Variants in PPHLN1 observed in about 807,000 individuals in gnomAD.
PPHLN1 encodes the protein periphilin 1, also known as periphilin-1.
A neutral mutation model predicts 51.3 loss-of-function variants in PPHLN1; 29 were observed. The observed-to-expected ratio is 0.57, with a 90% CI of 0.42 to 0.77. The LOEUF is 0.77. Among genes scored for constraint, PPHLN1 ranks in the 30% least tolerant of loss-of-function variants. PPHLN1 has a pLI of 0.00. For missense variants in PPHLN1, 436 were observed against 438.4 expected, an observed-to-expected ratio of 0.99 and a Z score of 0.05; for synonymous variants, 147 against 147.8, an observed-to-expected ratio of 0.99 and a Z score of 0.04.
intron 9 of PPHLN1, among the ~76,000 whole-genome samples, chr12:42,440,533 G>A (rs2082853193): frequency 6.6e-6 from 1 of 152,204 alleles, no homozygotes; most frequent in African/African-American, 2.4e-5. Flanking sequence ...GACCCAGAAT[G>A]TTGTCTAACT....
At chr12:42,360,783 G>A (rs1435336549) in intron 4 of PPHLN1, among the ~76,000 whole-genome samples, 10 of 151,894 alleles carry the variant, frequency 6.6e-5, no homozygotes, top group East Asian at 1.9e-4. Context: ...ATGAGCCACC[G>A]CGCCCAGCCG....
chr12:42,333,774 G>A (rs774395560), intron 1 of PPHLN1, among the ~76,000 whole-genome samples: 2 of 152,152 alleles, frequency 1.3e-5, no homozygotes, highest in African/African-American at 2.4e-5. Flanking sequence ...GAGCCGCTGC[G>A]CCCGGCCAAC....
intron 9 of PPHLN1, among the ~76,000 whole-genome samples, chr12:42,434,291 G>C (rs1355010989): frequency 6.6e-6 from 1 of 152,208 alleles, no homozygotes; most frequent in African/African-American, 2.4e-5. Flanking sequence ...GGAGGCTGGG[G>C]AATGAGGGAG....
At chr12:42,334,454 G>GA (rs903174583) in intron 1 of PPHLN1, among the ~76,000 whole-genome samples, 2 of 151,978 alleles carry the variant, frequency 1.3e-5, no homozygotes, top group Non-Finnish European at 2.9e-5. Flanking sequence ...ATAATATCAA[G>GA]AAAAAAAGTT....
intron 9 of PPHLN1, among the ~76,000 whole-genome samples, chr12:42,434,782 C>A (rs2082336708): frequency 6.6e-6 from 1 of 152,228 alleles, no homozygotes; most frequent in Non-Finnish European, 1.5e-5. Context: ...CAACCTTGGT[C>A]TCCCGGGTTG....
rs771456711 is a variant in PPHLN1, at chr12:42,351,868, C to T, written c.73-17C>T. ...AGAAATTAGTCATTTGTATATATTT[C>T]TTTTTGTCTGTTTTAGGATGGCTAC... is the stretch of plus-strand genomic sequence containing the variant. On this transcript the variant is annotated splice_polypyrimidine_tract_variant and intron_variant, in intron 2 of 9. Transcript: ENST00000358314. The T allele has an allele frequency of 3.9e-5, 60 of 1,534,642 alleles. 1 individual carries two copies. The Admixed American group carries it at 5.1e-4, about 13-fold the overall frequency.
At chr12:42,374,227 A>T (rs1415572613) in intron 4 of PPHLN1, among the ~76,000 whole-genome samples, 1 of 152,174 alleles carries the variant, frequency 6.6e-6, no homozygotes, top group Non-Finnish European at 1.5e-5. Flanking sequence ...TGTATTGTTA[A>T]TGGCAAAGAG....
chr12:42,428,417 A>T (rs2081694747), intron 9 of PPHLN1, among the ~76,000 whole-genome samples: 1 of 152,248 alleles, frequency 6.6e-6, no homozygotes, highest in African/African-American at 2.4e-5. Flanking sequence ...TATACAATAG[A>T]TTACTACTTA....
chr12:42,393,375 A>G (rs763262773), intron 7 of PPHLN1, among the ~76,000 whole-genome samples, 195 bp from the exon 8 acceptor site: 1 of 152,172 alleles, frequency 6.6e-6, no homozygotes, highest in Non-Finnish European at 1.5e-5. Context: ...GATCTGGTCT[A>G]TATGTCCCAA....
chr12:42,405,167 T>C (rs1323317236), intron 9 of PPHLN1, among the ~76,000 whole-genome samples: 1 of 152,258 alleles, frequency 6.6e-6, no homozygotes, highest in Non-Finnish European at 1.5e-5. Flanking sequence ...ATAAAAAGAT[T>C]AATGTTTCCT....
chr12:42,374,255 C>T (rs2076047311), intron 4 of PPHLN1, among the ~76,000 whole-genome samples: 1 of 152,074 alleles, frequency 6.6e-6, no homozygotes, highest in Admixed American at 6.5e-5. Flanking sequence ...AACTATATGA[C>T]AGTATGTTTT....
At chr12:42,394,086 T>C (rs2077982468) in intron 8 of PPHLN1, among the ~76,000 whole-genome samples, 1 of 152,164 alleles carries the variant, frequency 6.6e-6, no homozygotes, top group Non-Finnish European at 1.5e-5. Flanking sequence ...CTTGTTATAC[T>C]TCATGCAGAT....
At position 42,441,783 on chromosome 12, in the gene PPHLN1, G is replaced by A; in HGVS notation, c.*274G>A. On this transcript the variant is annotated 3_prime_UTR_variant, in exon 10 of 10. Coordinates refer to ENST00000358314, the MANE Select transcript of PPHLN1 (RefSeq NM_201439.2). ...GATCTGCCTGCCTCAGCCTCTCAAAGTGTTGAGATTACAGGCGTGAGCCAC... is the reference window on the plus strand; with the variant it reads ...GATCTGCCTGCCTCAGCCTCTCAAAATGTTGAGATTACAGGCGTGAGCCAC... The A allele has an allele frequency of 8.9e-7, 1 of 1,118,616 alleles. No homozygotes were observed. The highest frequency in any genetic ancestry group is 1.1e-6 in the Non-Finnish European group (1 of 908,868). The allele number at this position is 1,118,616 out of a possible 1,614,324, so 69.3% of individuals were successfully genotyped here.
chr12:42,356,747 C>G (rs1464008422), intron 4 of PPHLN1, among the ~76,000 whole-genome samples: 1 of 152,198 alleles, frequency 6.6e-6, no homozygotes, highest in Non-Finnish European at 1.5e-5. Flanking sequence ...TGGGCATTTG[C>G]TGTACTGAAT....
intron 4 of PPHLN1, among the ~76,000 whole-genome samples, chr12:42,369,097 G>A (rs886458353): frequency 2.0e-5 from 3 of 152,216 alleles, no homozygotes. Flanking sequence ...CGTGGCTGCT[G>A]TTGTGTGTCA....
intron 4 of PPHLN1, among the ~76,000 whole-genome samples, chr12:42,362,545 C>G (rs1429519912): frequency 6.6e-6 from 1 of 152,174 alleles, no homozygotes; most frequent in Non-Finnish European, 1.5e-5. Flanking sequence ...GCTTCTCTGC[C>G]TCACTCTAAA....
chr12:42,354,490 G>A lies in PPHLN1; in HGVS notation c.238-671G>A, dbSNP rs58902406. On this transcript the variant is annotated intron_variant, in intron 3 of 9. Transcript: ENST00000358314. Reference sequence around the variant, plus strand: ...ATCCTAAAGTGCTGGAATTACAGGCGTGAGCCACTGCGCCTGGCCAATTCT... The same window carrying A: ...ATCCTAAAGTGCTGGAATTACAGGCATGAGCCACTGCGCCTGGCCAATTCT... Among the ~76,000 whole-genome samples, 25 of 152,276 alleles carry A rather than the reference G, an allele frequency of 1.6e-4. No homozygotes were observed. In the South Asian group the frequency reaches 4.4e-3, roughly 27 times the overall value.
chr12:42,426,808 T>C (rs1366453916), intron 9 of PPHLN1, among the ~76,000 whole-genome samples: 1 of 152,188 alleles, frequency 6.6e-6, no homozygotes, highest in East Asian at 1.9e-4. Context: ...CAGTTAAAAC[T>C]TCTATGTTCT....
chr12:42,373,220 GTTTA>G (rs1290344297), intron 4 of PPHLN1, among the ~76,000 whole-genome samples: 2 of 152,142 alleles, frequency 1.3e-5, no homozygotes, highest in Admixed American at 1.3e-4. Context: ...TCTAAAACCT[GTTTA>G]TTTAATACCC....
Sources: gnomAD v4.1 joint callset for allele counts (sites outside exome capture counted in the v4.1 genomes callset) on GRCh38, gnomAD v4.1.1 for gene constraint, MANE v1.5 for transcripts, NCBI Gene and HGNC (gene_info 2026-07-23, HGNC 2026-07-21) for gene names.